The following DIAPH3 variants were observed in gnomAD, a reference collection of about 807,000 sequenced individuals.
DIAPH3 encodes the protein diaphanous related formin 3, also known as protein diaphanous homolog 3.
A neutral mutation model predicts 144.3 loss-of-function variants in DIAPH3; 117 were observed. The observed-to-expected ratio is 0.81, with a 90% CI of 0.70 to 0.95. The LOEUF is 0.95. Ranked by LOEUF, DIAPH3 falls within the 40% of genes least tolerant of loss-of-function variation. The pLI is 0.00. For synonymous variants in DIAPH3, 519 were observed against 488.9 expected, an observed-to-expected ratio of 1.06 and a Z score of -0.81; for missense variants, 1,421 against 1,412.7, an observed-to-expected ratio of 1.01 and a Z score of -0.09.
intron 22 of DIAPH3, among the ~76,000 whole-genome samples, chr13:59,854,841 A>G (rs1328524410): frequency 3.9e-5 from 6 of 152,148 alleles, no homozygotes; most frequent in African/African-American, 1.4e-4. Context: ...GTTTCTCGAA[A>G]AGATTAATGA....
At chr13:59,715,238 A>C (rs2034988827) in intron 27 of DIAPH3, among the ~76,000 whole-genome samples, 1 of 152,268 alleles carries the variant, frequency 6.6e-6, no homozygotes, top group South Asian at 2.1e-4. Flanking sequence ...AATTCACCTC[A>C]AGAAGACAGC....
At chr13:59,809,005 A>C (rs2040329560) in intron 25 of DIAPH3, among the ~76,000 whole-genome samples, 2 of 152,200 alleles carry the variant, frequency 1.3e-5, no homozygotes, top group African/African-American at 4.8e-5. Context: ...AGGGAGACAT[A>C]AATTTAAATT....
In DIAPH3 at chr13:60,004,967, G is replaced by A. The variant is rs555506501; in HGVS notation, c.1014+3577C>T. 3.7e-4 allele frequency among the ~76,000 whole-genome samples: 56 copies of A among 152,226 alleles called. 1 individual carries two copies. The highest frequency in any genetic ancestry group is 6.5e-4 in the Non-Finnish European group (44 of 68,020). Reference sequence around the variant, plus strand: ...TCCCGTGACTTCCATAACTACGGAAGGAAAACATTGCTCTAAGCTCTCCTC... The same window carrying A: ...TCCCGTGACTTCCATAACTACGGAAAGAAAACATTGCTCTAAGCTCTCCTC... On this transcript the variant is annotated intron_variant, in intron 9 of 27. Transcript: ENST00000400324.
intron 25 of DIAPH3, among the ~76,000 whole-genome samples, chr13:59,784,275 G>T (rs1012250986): frequency 1.3e-5 from 2 of 151,974 alleles, no homozygotes; most frequent in Non-Finnish European, 2.9e-5. Flanking sequence ...TAGAGACAGG[G>T]TTTCACCATA....
At chr13:59,857,450 T>C (rs994425632) in intron 22 of DIAPH3, among the ~76,000 whole-genome samples, 3 of 152,212 alleles carry the variant, frequency 2.0e-5, no homozygotes, top group South Asian at 2.1e-4. Flanking sequence ...GCAGAAAGCA[T>C]AGTATTAAAT....
Position 60,054,314 on chromosome 13 carries a change from C to A in DIAPH3, c.496-11494G>T, listed in dbSNP as rs186476749. 7.7e-4 allele frequency among the ~76,000 whole-genome samples: 117 copies of A among 152,070 alleles called. 1 individual carries two copies. Among genetic ancestry groups the A allele is most frequent in the Middle Eastern group, 6.8e-3 (2 of 294 alleles). ...TTTAAGTGAAGTTAGTTACTAGATTCTAGATCCTTCTCCATAACATTTACT... is the reference window on the plus strand; with the variant it reads ...TTTAAGTGAAGTTAGTTACTAGATTATAGATCCTTCTCCATAACATTTACT... On this transcript the variant is annotated intron_variant, in intron 4 of 27. Coordinates refer to ENST00000400324, the MANE Select transcript of DIAPH3 (RefSeq NM_001042517.2).
intron 22 of DIAPH3, among the ~76,000 whole-genome samples, chr13:59,844,510 A>C (rs974750660): frequency 3.3e-5 from 5 of 151,590 alleles, no homozygotes; most frequent in African/African-American, 1.2e-4. Context: ...TCCCAAAAAA[A>C]AAAAAAAGGA....
intron 27 of DIAPH3, among the ~76,000 whole-genome samples, chr13:59,772,185 A>G (rs2038158447): frequency 6.6e-6 from 1 of 152,080 alleles, no homozygotes; most frequent in African/African-American, 2.4e-5. Flanking sequence ...ATGTCATCCT[A>G]TACTAAAAAT....
At chr13:59,943,325 G>A (rs2048633043) in intron 17 of DIAPH3, among the ~76,000 whole-genome samples, 1 of 152,210 alleles carries the variant, frequency 6.6e-6, no homozygotes, top group Non-Finnish European at 1.5e-5. Context: ...CCTAGTGGTA[G>A]ATTCAAGACA....
chr13:59,884,801 T>C (rs1019924261), intron 20 of DIAPH3, among the ~76,000 whole-genome samples: 2 of 146,826 alleles, frequency 1.4e-5, no homozygotes, highest in African/African-American at 5.0e-5. Flanking sequence ...AAAAAAGCTA[T>C]TCAAGTGACT....
chr13:60,139,628 G>A (rs2059382967), intron 1 of DIAPH3, among the ~76,000 whole-genome samples: 1 of 152,092 alleles, frequency 6.6e-6, no homozygotes, highest in Admixed American at 6.5e-5. Flanking sequence ...CAACATACCT[G>A]CTAGGAAAGA....
In DIAPH3 at chr13:59,810,908, T is replaced by C; in HGVS notation, c.3043A>G (p.Asn1015Asp). Residue 1015 changes from asparagine (N) to aspartate (D), a missense_variant, in exon 25 of 28, where the codon AAT becomes GAT. By Grantham distance (23) the Asn-to-Asp change is conservative. Coordinates refer to ENST00000400324, the MANE Select transcript of DIAPH3 (RefSeq NM_001042517.2). The part of the protein sequence containing the change: ...RTTFMQAIKE[N>D]IKKREAEEKE... ...TCCTCTGCTTCTCTTTTTTTGATAT[T>C]CTCCTTTATTGCTTGCTAAAAAAAT... The C allele has an allele frequency of 1.3e-6, 2 of 1,509,694 alleles. No homozygotes were observed. The highest frequency in any genetic ancestry group is 2.4e-5 in the East Asian group (1 of 41,136). 93.5% of individuals were successfully genotyped at this position (1,509,694 alleles called of 1,614,324 possible).
chr13:59,889,444 A>C (rs1198787129), intron 20 of DIAPH3, among the ~76,000 whole-genome samples: 1 of 151,990 alleles, frequency 6.6e-6, no homozygotes, highest in East Asian at 1.9e-4. Context: ...AATAATTTCT[A>C]TATAGCAATT....
chr13:59,851,912 C>A (rs2042998019), intron 22 of DIAPH3, among the ~76,000 whole-genome samples: 1 of 151,998 alleles, frequency 6.6e-6, no homozygotes, highest in Non-Finnish European at 1.5e-5. Context: ...GCCATGGCGC[C>A]CAGCCAAATA....
At chr13:59,675,795 A>T (rs535516100) in intron 27 of DIAPH3, among the ~76,000 whole-genome samples, 1 of 152,304 alleles carries the variant, frequency 6.6e-6, no homozygotes, top group Non-Finnish European at 1.5e-5. Flanking sequence ...GTTGGCCCTC[A>T]TGGTTCTGGG....
chr13:59,928,833 C>T (rs1393815784), intron 17 of DIAPH3, among the ~76,000 whole-genome samples: 1 of 152,122 alleles, frequency 6.6e-6, no homozygotes, highest in Non-Finnish European at 1.5e-5. Context: ...GGGCAGCAAA[C>T]ATAGGTTCTG....
At chr13:59,871,425 T>A (rs556953401) in intron 21 of DIAPH3, among the ~76,000 whole-genome samples, 1 of 152,304 alleles carries the variant, frequency 6.6e-6, no homozygotes, top group South Asian at 2.1e-4. Context: ...ATGCTAGCTG[T>A]CGATTTTATG....
intron 20 of DIAPH3, among the ~76,000 whole-genome samples, chr13:59,891,238 CT>C (rs930865491): frequency 6.6e-6 from 1 of 151,894 alleles, no homozygotes; most frequent in Non-Finnish European, 1.5e-5. Flanking sequence ...CACAAGAGAC[CT>C]TTTTGCTTAT....
chr13:59,952,462 C>T (rs564694045), intron 17 of DIAPH3, among the ~76,000 whole-genome samples: 1 of 152,240 alleles, frequency 6.6e-6, no homozygotes, highest in South Asian at 2.1e-4. Context: ...AGTATGTTTG[C>T]TATTAATTGC....
Sources: allele counts gnomAD v4.1 joint callset (sites outside exome capture counted in the v4.1 genomes callset), GRCh38; gene constraint gnomAD v4.1.1; transcripts MANE v1.5; gene names NCBI Gene and HGNC (gene_info 2026-07-23, HGNC 2026-07-21).